The following SYNJ2 variants were observed in gnomAD, a reference collection of about 807,000 sequenced individuals.
SYNJ2 encodes the protein polyphosphatidylinositol phosphatase SYNJ2.
SYNJ2 carries 116 observed loss-of-function variants against 141.3 expected under a neutral mutation model. That is an observed-to-expected ratio of 0.82 (90% confidence interval 0.71 to 0.96). The LOEUF is 0.96. Among genes scored for constraint, SYNJ2 ranks in the 40% least tolerant of loss-of-function variants. The pLI is 0.00. For synonymous variants in SYNJ2, 745 were observed against 777.7 expected, an observed-to-expected ratio of 0.96 and a Z score of 0.70; for missense variants, 1,873 against 1,934.8, an observed-to-expected ratio of 0.97 and a Z score of 0.60.
intron 7 of SYNJ2, 47 bp from the exon 8 acceptor site, chr6:158,061,945 C>T (rs1202128202): frequency 6.3e-7 from 1 of 1,586,942 alleles, no homozygotes; most frequent in Non-Finnish European, 8.6e-7. Context: ...CCCTCCTCGT[C>T]CTCCCTTCCC....
intron 24 of SYNJ2, among the ~76,000 whole-genome samples, chr6:158,089,355 G>A (rs1266014400): frequency 5.9e-5 from 9 of 152,096 alleles, no homozygotes; most frequent in Admixed American, 5.9e-4. Flanking sequence ...ATGCCTCTGG[G>A]GTGCTGGGCC....
chr6:158,082,284 C>T (rs1421830973), intron 20 of SYNJ2, among the ~76,000 whole-genome samples: 2 of 151,802 alleles, frequency 1.3e-5, no homozygotes, highest in South Asian at 2.1e-4. Flanking sequence ...GTCAGGATTT[C>T]GAGACCAGCC....
chr6:158,088,619 C>G (rs1349838670), intron 23 of SYNJ2, 41 bp from the exon 24 acceptor site: 1 of 1,508,056 alleles, frequency 6.6e-7, no homozygotes. Context: ...GAAGTTGTGC[C>G]TTCACTGAGA....
In SYNJ2 at chr6:158,064,446, C is replaced by T. The variant is rs140507630; in HGVS notation, c.1210-155C>T. ...AGTTGGGGTGAGATGTGGGAAGTCA[C>T]TCTCTGCTGTGGGAACTCCTCATCC... On this transcript the variant is annotated intron_variant, in intron 9 of 26. Transcript: ENST00000355585. Among the ~76,000 whole-genome samples the T allele has an allele frequency of 1.0e-3, 155 of 152,300 alleles. 1 individual carries two copies. The highest frequency in any genetic ancestry group is 3.4e-3 in the African/African-American group (143 of 41,562).
chr6:158,032,180 G>A (rs1298328373), intron 3 of SYNJ2, among the ~76,000 whole-genome samples: 1 of 152,072 alleles, frequency 6.6e-6, no homozygotes, highest in Non-Finnish European at 1.5e-5. Flanking sequence ...GGTCAGACGC[G>A]GGCTGTGCTC....
chr6:158,044,210 C>T (rs1470160536), intron 5 of SYNJ2, among the ~76,000 whole-genome samples: 1 of 152,366 alleles, frequency 6.6e-6, no homozygotes, highest in Non-Finnish European at 1.5e-5. Flanking sequence ...CCAGTGGCTA[C>T]TGGGGCCCAG....
chr6:158,068,816 C>T, intron 13 of SYNJ2, 88 bp downstream of exon 13: 1 of 1,435,462 alleles, frequency 7.0e-7, no homozygotes. Flanking sequence ...CTCCGGGAGC[C>T]AGCCTGCTTC....
At chr6:158,023,767 G>A (rs1778898689) in intron 2 of SYNJ2, among the ~76,000 whole-genome samples, 1 of 152,160 alleles carries the variant, frequency 6.6e-6, no homozygotes, top group Non-Finnish European at 1.5e-5. Flanking sequence ...TTGCAATAAG[G>A]TCAGGACTAG....
chr6:158,017,405 C>CTT (rs34667973), intron 2 of SYNJ2, 115 bp downstream of exon 2: 6,752 of 596,026 alleles, frequency 0.011, no homozygotes, highest in South Asian at 0.024. Flanking sequence ...TCTCTCTCTT[C>CTT]TTTTTTTTTT....
intron 22 of SYNJ2, 95 bp from the exon 23 acceptor site, chr6:158,086,760 C>T (rs1783061108): frequency 1.4e-6 from 2 of 1,407,188 alleles, no homozygotes; most frequent in Non-Finnish European, 1.9e-6. Context: ...ACAGCAGGTC[C>T]CCCTGCCACA....
Position 158,076,784 on chromosome 6 carries a change from T to C in SYNJ2, c.2449+2T>C. The C allele has an allele frequency of 6.2e-7, 1 of 1,609,436 alleles. No individual in the cohort carries two copies. Among genetic ancestry groups the C allele is most frequent in the South Asian group, 1.1e-5 (1 of 90,846 alleles). ...AGAAACATCCCTTTGATAAAACAGG[T>C]GAGGGGGCCGTGCCCGTTCGAGAGT... On this transcript the variant is annotated splice_donor_variant, in intron 17 of 26. Coordinates refer to ENST00000355585, the MANE Select transcript of SYNJ2 (RefSeq NM_003898.4). LOFTEE classifies it high-confidence loss of function.
rs1781889157 is a variant in SYNJ2, at chr6:158,071,054, G to T, written c.1941-548G>T. 6.6e-6 allele frequency among the ~76,000 whole-genome samples: 1 copy of T among 152,144 alleles called. No homozygotes were observed. The highest frequency in any genetic ancestry group is 1.5e-5 in the Non-Finnish European group (1 of 68,034). On this transcript the variant is annotated intron_variant, in intron 14 of 26. Coordinates refer to ENST00000355585, the MANE Select transcript of SYNJ2 (RefSeq NM_003898.4). This position sits in a 1 kb window ranked among gnomAD's most constrained non-coding sequence, Gnocchi z 4.3. ...AAAAATTAGCCGGGCGTGATGGTGG[G>T]TACCTGTAATCCCAGCTACTCAGGA...
Position 158,070,439 on chromosome 6 carries a change from T to A in SYNJ2, c.1940+766T>A, listed in dbSNP as rs149333141. The stretch of plus-strand genomic sequence containing the variant: ...CCTCTTCTCTGACTTTCAGAAGATG[T>A]TTAGGTCCCTGTCCCTCTGCTTGTG... On this transcript the variant is annotated intron_variant, in intron 14 of 26. Transcript: ENST00000355585. This position sits in a 1 kb window ranked among gnomAD's most constrained non-coding sequence, Gnocchi z 4.0. 7.1e-6 allele frequency: 7 copies of A among 985,466 alleles called. No homozygotes were observed. The South Asian group carries it at 3.3e-4, about 46-fold the overall frequency. 61.0% of individuals were successfully genotyped at this position (985,466 alleles called of 1,614,324 possible). A position where few individuals can be genotyped will look rare whatever the true frequency, so the allele number is the denominator to read the frequency against.
At chr6:158,093,614 G>A (rs986956079) in intron 26 of SYNJ2, among the ~76,000 whole-genome samples, 1 of 152,174 alleles carries the variant, frequency 6.6e-6, no homozygotes, top group Non-Finnish European at 1.5e-5. Context: ...AGAAGAACGA[G>A]GAGTCCACTG....
In SYNJ2 at chr6:158,076,634, G is replaced by T. The variant is rs1782308386; in HGVS notation, c.2301G>T (p.Lys767Asn). ...QLQKSSGKIF[K>N]DFHEGAINFG... Reference sequence around the variant, plus strand: ...TCTTTTTCTCCCAATAGATTTTTAAGGACTTTCACGAAGGAGCCATTAACT... The same window carrying T: ...TCTTTTTCTCCCAATAGATTTTTAATGACTTTCACGAAGGAGCCATTAACT... The change falls in exon 17 of 27, where the codon AAG becomes AAT. Residue 767 changes from lysine (K) to asparagine (N), a missense_variant. Transcript: ENST00000355585. 6.2e-7 allele frequency: 1 copy of T among 1,612,266 alleles called. No individual in the cohort carries two copies. The highest frequency in any genetic ancestry group is 8.5e-7 in the Non-Finnish European group (1 of 1,178,810).
At chr6:158,022,259 C>T (rs1474642372) in intron 2 of SYNJ2, among the ~76,000 whole-genome samples, 1 of 152,154 alleles carries the variant, frequency 6.6e-6, no homozygotes, top group Non-Finnish European at 1.5e-5. Flanking sequence ...GCTGGAGGGA[C>T]CCCAGGGTTG....
Position 158,071,585 on chromosome 6 carries a change from G to A in SYNJ2, c.1941-17G>A, listed in dbSNP as rs371522657. The A allele has an allele frequency of 2.3e-5, 37 of 1,610,934 alleles. No individual in the cohort carries two copies. Among genetic ancestry groups the A allele is most frequent in the African/African-American group, 2.7e-5 (2 of 74,834 alleles). On this transcript the variant is annotated splice_polypyrimidine_tract_variant and intron_variant, in intron 14 of 26. Coordinates refer to ENST00000355585, the MANE Select transcript of SYNJ2 (RefSeq NM_003898.4). The surrounding 1 kb of genome is among the most constrained non-coding windows in gnomAD (Gnocchi z 4.3). ...TCCTTCAGGAGCCGACGGCATGCGC[G>A]TATCCTTCTGTTCCAGGGACGTAGC...
chr6:157,989,465 T>TATATATAC (rs1777332606), intron 1 of SYNJ2, among the ~76,000 whole-genome samples: 23 of 114,356 alleles, frequency 2.0e-4, no homozygotes, highest in Admixed American at 1.8e-3. Context: ...TATATATATA[T>TATATATAC]ATGGAAAAAG....
chr6:158,012,597 G>A (rs1406707427), intron 1 of SYNJ2, among the ~76,000 whole-genome samples: 8 of 152,222 alleles, frequency 5.3e-5, no homozygotes, highest in South Asian at 2.1e-4. Context: ...TCAGCTCAGC[G>A]AAATCCATTT....
Sources: gnomAD v4.1 joint callset for allele counts (sites outside exome capture counted in the v4.1 genomes callset) on GRCh38, gnomAD v4.1.1 for gene constraint, Gnocchi (gnomAD v3.1) non-coding constraint, MANE v1.5 for transcripts, NCBI Gene and HGNC (gene_info 2026-07-23, HGNC 2026-07-21) for gene names.